Variants in PPP1R12B observed in about 807,000 individuals in gnomAD.
PPP1R12B encodes myosin phosphatase target subunit 2.
PPP1R12B carries 76 observed loss-of-function variants against 126.1 expected under a neutral mutation model. The observed-to-expected ratio is 0.60, with a 90% CI of 0.50 to 0.73. The LOEUF is 0.73. PPP1R12B is among the 30% of genes least tolerant of loss of function. The pLI, the probability that PPP1R12B is intolerant of heterozygous loss-of-function variation, is 0.00. For missense variants in PPP1R12B, 1,052 were observed against 1,205.1 expected (o/e 0.87, Z 1.88); for synonymous variants, 356 against 434.7 (o/e 0.82, Z 2.25).
chr1:202,580,440 G>T, intron 23 of PPP1R12B, 34 bp from the exon 24 acceptor site: 1 of 1,569,170 alleles, frequency 6.4e-7, no homozygotes, highest in Non-Finnish European at 8.8e-7. Context: ...ATCCTGCCAG[G>T]CTCTAACTCA....
chr1:202,489,351 T>A (rs890232234), intron 14 of PPP1R12B, among the ~76,000 whole-genome samples: 1 of 152,226 alleles, frequency 6.6e-6, no homozygotes, highest in African/African-American at 2.4e-5. Context: ...AGTTACCATT[T>A]GACTCAGCAG....
chr1:202,458,939 C>T (rs377755630), intron 13 of PPP1R12B, among the ~76,000 whole-genome samples: 3 of 152,242 alleles, frequency 2.0e-5, no homozygotes. Flanking sequence ...CAGAAATAAT[C>T]TCCATTTGCA....
rs1362054737 is a variant in PPP1R12B, at chr1:202,416,865, G to A, written c.370G>A (p.Gly124Ser). The change falls in exon 2 of 24, where the codon GGC becomes AGC. Residue 124 changes from glycine to serine, a missense_variant. Transcript: ENST00000608999. ...RANVNQQDNE[G>S]WTPLHAAASC... The stretch of plus-strand genomic sequence containing the variant: ...CAATGTAAACCAGCAAGACAACGAG[G>A]GCTGGACACCCCTTCATGCAGCAGC... 2.5e-6 allele frequency: 4 copies of A among 1,613,854 alleles called. No individual in the cohort carries two copies. The highest frequency in any genetic ancestry group is 3.4e-6 in the Non-Finnish European group (4 of 1,179,912).
At chr1:202,397,989 G>A (rs1269421401) in intron 1 of PPP1R12B, among the ~76,000 whole-genome samples, 1 of 152,192 alleles carries the variant, frequency 6.6e-6, no homozygotes, top group East Asian at 1.9e-4. Context: ...TCAGCTCACT[G>A]CAACCTCCAC....
chr1:202,417,330 C>A, intron 2 of PPP1R12B: 1 of 985,120 alleles, frequency 1.0e-6, no homozygotes, highest in Non-Finnish European at 1.2e-6. Flanking sequence ...TAAAAAATGC[C>A]TAGCATACCA....
rs1301846764 is a variant in PPP1R12B, at chr1:202,370,092, G to A, written c.291+20950G>A. The A allele has an allele frequency of 4.7e-5, 10 of 211,198 alleles. 1 individual carries two copies. Among genetic ancestry groups the A allele is most frequent in the South Asian group, 6.9e-5 (1 of 14,512 alleles). The allele number at this position is 211,198 out of a possible 1,614,324, so 13.1% of individuals were successfully genotyped here. A position where few individuals can be genotyped will look rare whatever the true frequency, so the allele number is the denominator to read the frequency against. On this transcript the variant is annotated intron_variant, in intron 1 of 23. Transcript: ENST00000608999. ...CTACAGGCGTAAACTACCATGCCCG[G>A]CCTTGGGCACACTTCTGAACAAAAC... is the stretch of plus-strand genomic sequence containing the variant.
chr1:202,468,617 C>T (rs892642627), intron 13 of PPP1R12B, among the ~76,000 whole-genome samples: 4 of 152,174 alleles, frequency 2.6e-5, no homozygotes, highest in African/African-American at 9.7e-5. Context: ...AGCTCCCTTA[C>T]AAGATCTTGC....
intron 1 of PPP1R12B, among the ~76,000 whole-genome samples, chr1:202,403,143 C>T (rs1246788520): frequency 2.6e-5 from 4 of 152,094 alleles, no homozygotes; most frequent in Non-Finnish European, 5.9e-5. Flanking sequence ...CTTGGTGTAA[C>T]ACAGTAGAGA....
chr1:202,503,118 G>C lies in PPP1R12B; in HGVS notation c.2490+6296G>C, dbSNP rs572047290. On this transcript the variant is annotated intron_variant, in intron 18 of 23. Transcript: ENST00000608999. ...TCAGTTAGGAGGCCATTATAATACA[G>C]TAATCCAGGAGAAAACTGACGGTGG... 7.2e-5 allele frequency among the ~76,000 whole-genome samples: 11 copies of C among 152,286 alleles called. No homozygotes were observed. In the East Asian group the frequency reaches 2.1e-3, roughly 29 times the overall value.
At chr1:202,511,044 C>A (rs1681424856) in intron 18 of PPP1R12B, among the ~76,000 whole-genome samples, 1 of 145,562 alleles carries the variant, frequency 6.9e-6, no homozygotes, top group African/African-American at 2.5e-5. Flanking sequence ...ACAATTATAT[C>A]ATAATATAAT....
At chr1:202,446,613 G>C (rs1341072377) in intron 12 of PPP1R12B, among the ~76,000 whole-genome samples, 7 of 148,966 alleles carry the variant, frequency 4.7e-5, no homozygotes, top group Admixed American at 6.7e-5. Context: ...ATACTATATT[G>C]CTATTACTAT....
In PPP1R12B at chr1:202,450,853, T is replaced by G. The variant is rs558519120; in HGVS notation, c.1850+1682T>G. Among the ~76,000 whole-genome samples, 4 of 152,348 alleles carry G rather than the reference T, an allele frequency of 2.6e-5. No homozygotes were observed. The South Asian group carries it at 8.3e-4, about 32-fold the overall frequency. On this transcript the variant is annotated intron_variant, in intron 13 of 23. Transcript: ENST00000608999. ...CTTTGCTATTCTGGGTCTTTTGTAGTTCCATATGAATTTTAGGATTATTTT... is the reference window on the plus strand; with the variant it reads ...CTTTGCTATTCTGGGTCTTTTGTAGGTCCATATGAATTTTAGGATTATTTT...
intron 1 of PPP1R12B, among the ~76,000 whole-genome samples, chr1:202,357,469 AAAT>A (rs1422842859): frequency 6.6e-6 from 1 of 152,144 alleles, no homozygotes; most frequent in Non-Finnish European, 1.5e-5. Context: ...TTGGGAGAAA[AAAT>A]ATAGATTTTC....
intron 18 of PPP1R12B, among the ~76,000 whole-genome samples, chr1:202,504,062 A>G (rs1225444257): frequency 6.6e-6 from 1 of 152,152 alleles, no homozygotes; most frequent in Non-Finnish European, 1.5e-5. Context: ...CTTCAGCTCT[A>G]TTACATCTTT....
In PPP1R12B at chr1:202,455,410, C is replaced by T. The variant is rs370530766; in HGVS notation, c.1850+6239C>T. ...CCCCTAGGCCTAAGCAACCACTGAT[C>T]TACTTTTTGTCTATAGATTTGCTTA... On this transcript the variant is annotated intron_variant, in intron 13 of 23. Coordinates refer to ENST00000608999, the MANE Select transcript of PPP1R12B (RefSeq NM_002481.4). 6.6e-5 allele frequency among the ~76,000 whole-genome samples: 10 copies of T among 152,224 alleles called. No homozygotes were observed. The East Asian group carries it at 1.5e-3, about 24-fold the overall frequency.
At chr1:202,389,158 G>A (rs1460570318) in intron 1 of PPP1R12B, among the ~76,000 whole-genome samples, 1 of 152,122 alleles carries the variant, frequency 6.6e-6, no homozygotes, top group Non-Finnish European at 1.5e-5. Flanking sequence ...GGAAATATAG[G>A]TGAATATTTT....
chr1:202,456,969 A>T lies in PPP1R12B; in HGVS notation c.1850+7798A>T, dbSNP rs543193838. Among the ~76,000 whole-genome samples, 5 of 152,366 alleles carry T rather than the reference A, an allele frequency of 3.3e-5. No individual in the cohort carries two copies. In the South Asian group the frequency reaches 8.3e-4, roughly 25 times the overall value. ...TTCTATGACAAACTCATAGATGCAG[A>T]CTAACATGTAATAAAAGTTTTAAAT... On this transcript the variant is annotated intron_variant, in intron 13 of 23. Coordinates refer to ENST00000608999, the MANE Select transcript of PPP1R12B (RefSeq NM_002481.4).
chr1:202,412,403 A>C (rs2696961), intron 1 of PPP1R12B, among the ~76,000 whole-genome samples: 22,264 of 152,190 alleles, frequency 0.15, 1,663 homozygotes, highest in Middle Eastern at 0.24. Context: ...GAGAAGTAAG[A>C]GGGGAGGAAA....
intron 10 of PPP1R12B, 90 bp from the exon 11 acceptor site, chr1:202,440,616 G>A (rs1671478634): frequency 1.2e-6 from 1 of 864,862 alleles, no homozygotes; most frequent in Non-Finnish European, 1.9e-6. Flanking sequence ...AGATGATATA[G>A]GTATATTAAG....
Sources: gnomAD v4.1 joint callset for allele counts (sites outside exome capture counted in the v4.1 genomes callset) on GRCh38, gnomAD v4.1.1 for gene constraint, MANE v1.5 for transcripts, NCBI Gene and HGNC (gene_info 2026-07-23, HGNC 2026-07-21) for gene names.